Variants in ADAMTSL1 observed in about 807,000 individuals in gnomAD.
The protein encoded by ADAMTSL1 is ADAMTS like 1.
Under a neutral mutation model 201.8 loss-of-function variants are expected in ADAMTSL1, and 126 were observed. The observed-to-expected ratio is 0.62, with a 90% CI of 0.54 to 0.72. ADAMTSL1 has a LOEUF of 0.72. ADAMTSL1 is among the 30% of genes least tolerant of loss of function. The probability of loss-of-function intolerance (pLI) is 0.00; values close to 1 mark genes in which losing one functional copy is unlikely to be tolerated. For missense variants in ADAMTSL1, 2,679 were observed against 2,277.8 expected, an observed-to-expected ratio of 1.18 and a Z score of -3.59; for synonymous variants, 1,121 against 903.4, an observed-to-expected ratio of 1.24 and a Z score of -4.32.
At chr9:18,114,171 T>C (rs372154750) in intron 1 of ADAMTSL1, among the ~76,000 whole-genome samples, 22 of 152,114 alleles carry the variant, frequency 1.4e-4, no homozygotes, top group Non-Finnish European at 2.4e-4. Context: ...AAGATACTCA[T>C]TGGATTTCAC....
chr9:18,354,048 C>CACAT (rs1554664929), intron 2 of ADAMTSL1, among the ~76,000 whole-genome samples: 1 of 142,576 alleles, frequency 7.0e-6, no homozygotes, highest in Non-Finnish European at 1.5e-5. Flanking sequence ...TTTTTCTATA[C>CACAT]ATATATATAT....
At chr9:18,418,259 T>A (rs993863441) in intron 2 of ADAMTSL1, among the ~76,000 whole-genome samples, 6 of 152,104 alleles carry the variant, frequency 3.9e-5, no homozygotes, top group African/African-American at 1.4e-4. Context: ...ACAGGTAACA[T>A]CAAACTTAGT....
In ADAMTSL1 at chr9:18,779,236, A is replaced by G. The variant is rs543810621; in HGVS notation, c.3677+1330A>G. Among the ~76,000 whole-genome samples, 9 of 152,238 alleles carry G rather than the reference A, an allele frequency of 5.9e-5. No homozygotes were observed. In the South Asian group the frequency reaches 1.7e-3, roughly 28 times the overall value. On this transcript the variant is annotated intron_variant, in intron 19 of 28. Coordinates refer to ENST00000380548, the MANE Select transcript of ADAMTSL1 (RefSeq NM_001040272.6). The stretch of plus-strand genomic sequence containing the variant: ...TTGATTCCAAGGAAGAGTTCTGTCT[A>G]CTCTTCTGAGACTCGGTGAATAGAT...
At chr9:18,749,175 G>T (rs1486554814) in intron 15 of ADAMTSL1, among the ~76,000 whole-genome samples, 1 of 152,120 alleles carries the variant, frequency 6.6e-6, no homozygotes, top group African/African-American at 2.4e-5. Context: ...GGTACTAAGG[G>T]TTAGGACTCC....
chr9:18,572,451 G>A (rs151015421), intron 3 of ADAMTSL1, among the ~76,000 whole-genome samples: 2 of 152,040 alleles, frequency 1.3e-5, no homozygotes, highest in South Asian at 2.1e-4. Flanking sequence ...TATTCAAAAT[G>A]TTAAGCCTTG....
At chr9:18,629,757 G>A (rs1483685085) in intron 5 of ADAMTSL1, among the ~76,000 whole-genome samples, 1 of 152,116 alleles carries the variant, frequency 6.6e-6, no homozygotes, top group Non-Finnish European at 1.5e-5. Flanking sequence ...CAAACGATGA[G>A]TAGAGAAGTA....
rs115365043 is a variant in ADAMTSL1 at position 18,429,103 on chromosome 9, C to G, written c.208-75726C>G. 6.5e-3 allele frequency among the ~76,000 whole-genome samples: 985 copies of G among 152,138 alleles called. 13 individuals carry two copies. Among genetic ancestry groups the G allele is most frequent in the African/African-American group, 0.023 (965 of 41,502 alleles). On this transcript the variant is annotated intron_variant, in intron 2 of 29. Coordinates refer to the ADAMTSL1 transcript ENST00000680146. ...CTATTTTCATTAGTTCATAGCATTT[C>G]TGAGTTTATGTATGTATATAAATAT...
At chr9:18,771,436 C>A (rs1434815955) in intron 17 of ADAMTSL1, among the ~76,000 whole-genome samples, 1 of 152,182 alleles carries the variant, frequency 6.6e-6, no homozygotes, top group East Asian at 1.9e-4. Context: ...AATAATGCCT[C>A]TCCTAATTCT....
In ADAMTSL1 at chr9:18,777,616, A is replaced by G. The variant is rs1821134255; in HGVS notation, c.3387A>G (p.Pro1129=). Reference sequence around the variant, plus strand: ...AGCCCTCGGAGCGCAGGACTTCCCCAGTGACTCTCTCGCCTCATAAACACG... The same window carrying G: ...AGCCCTCGGAGCGCAGGACTTCCCCGGTGACTCTCTCGCCTCATAAACACG... ...LLKPSERRTS[P]VTLSPHKHVS... is the part of the protein sequence containing the mutation. Residue 1129 remains proline, a synonymous_variant, in exon 19 of 29, where the codon CCA becomes CCG. Transcript: ENST00000380548. 2.5e-6 allele frequency: 4 copies of G among 1,613,552 alleles called. No homozygotes were observed. Among genetic ancestry groups the G allele is most frequent in the Non-Finnish European group, 3.4e-6 (4 of 1,179,830 alleles).
At chr9:18,856,954 GTTTTC>G (rs1563862879) in intron 23 of ADAMTSL1, among the ~76,000 whole-genome samples, 2 of 152,100 alleles carry the variant, frequency 1.3e-5, no homozygotes, top group Admixed American at 1.3e-4. Flanking sequence ...GAACAACCCC[GTTTTC>G]TGAGCCATCG....
At chr9:18,339,593 C>T (rs1473147646) in intron 2 of ADAMTSL1, among the ~76,000 whole-genome samples, 1 of 152,142 alleles carries the variant, frequency 6.6e-6, no homozygotes, top group African/African-American at 2.4e-5. Context: ...TCACAGCAAT[C>T]CCATTTTTGG....
intron 21 of ADAMTSL1, among the ~76,000 whole-genome samples, chr9:18,824,932 G>C (rs953612100): frequency 6.6e-6 from 1 of 152,052 alleles, no homozygotes; most frequent in Non-Finnish European, 1.5e-5. Context: ...TCCTGACCTT[G>C]TGATCTGTCT....
At chr9:18,720,131 A>T (rs1320000742) in intron 14 of ADAMTSL1, among the ~76,000 whole-genome samples, 1 of 152,182 alleles carries the variant, frequency 6.6e-6, no homozygotes, top group Non-Finnish European at 1.5e-5. Flanking sequence ...AAATGATTCC[A>T]GACAAATGTC....
rs79099946 is a variant in ADAMTSL1 at position 17,979,872 on chromosome 9, C to T, written c.87+72950C>T. On this transcript the variant is annotated intron_variant, in intron 1 of 29. Transcript: ENST00000680146. Reference sequence around the variant, plus strand: ...CCTACTGCCAGAGTCCTTGGGTAGGCTAGACTGGTGCCTGAGTTAATGGGT... The same window carrying T: ...CCTACTGCCAGAGTCCTTGGGTAGGTTAGACTGGTGCCTGAGTTAATGGGT... 4.5e-3 allele frequency among the ~76,000 whole-genome samples: 690 copies of T among 152,158 alleles called. 3 individuals are homozygous for T. Among genetic ancestry groups the T allele is most frequent in the African/African-American group, 0.016 (654 of 41,520 alleles).
chr9:18,361,377 C>G (rs1333844109), intron 2 of ADAMTSL1, among the ~76,000 whole-genome samples: 1 of 152,120 alleles, frequency 6.6e-6, no homozygotes, highest in East Asian at 1.9e-4. Flanking sequence ...GGTATATTCT[C>G]GATTTTCAAC....
chr9:18,316,100 G>A (rs572676627), intron 2 of ADAMTSL1, among the ~76,000 whole-genome samples: 27 of 152,002 alleles, frequency 1.8e-4, no homozygotes, highest in Admixed American at 5.2e-4. Context: ...TTTTTATTAG[G>A]GATTTTCAAA....
At chr9:18,520,426 T>C (rs934026037) in intron 2 of ADAMTSL1, among the ~76,000 whole-genome samples, 1 of 152,242 alleles carries the variant, frequency 6.6e-6, no homozygotes, top group African/African-American at 2.4e-5. Context: ...CAGATTAGGA[T>C]AGAGCAGAAG....
At chr9:18,844,560 C>T (rs1172510679) in intron 23 of ADAMTSL1, among the ~76,000 whole-genome samples, 1 of 152,230 alleles carries the variant, frequency 6.6e-6, no homozygotes, top group African/African-American at 2.4e-5. Flanking sequence ...CCACTGCTCT[C>T]TTCAATGCTG....
At chr9:18,223,911 C>G (rs1457015002) in intron 2 of ADAMTSL1, among the ~76,000 whole-genome samples, 1 of 152,026 alleles carries the variant, frequency 6.6e-6, no homozygotes, top group African/African-American at 2.4e-5. Flanking sequence ...GTATGTTTTC[C>G]TCTGGTAGGC....
Sources: allele counts gnomAD v4.1 joint callset (sites outside exome capture counted in the v4.1 genomes callset), GRCh38; gene constraint gnomAD v4.1.1; transcripts MANE v1.5; gene names NCBI Gene and HGNC (gene_info 2026-07-23, HGNC 2026-07-21).